XKR9: variants seen among roughly 807,000 people sequenced by gnomAD.
The protein encoded by XKR9 is XK related 9, also known as XK-related protein 9.
In XKR9, 32 loss-of-function variants were observed where a neutral mutation model predicts 32.0. The ratio of observed to expected loss-of-function variants is 1.00; its 90% CI spans 0.76 to 1.34. The LOEUF is 1.34. Among genes scored for constraint, XKR9 ranks in the 40% most tolerant of loss-of-function variants. The probability of loss-of-function intolerance (pLI) is 0.00; values close to 1 mark genes in which losing one functional copy is unlikely to be tolerated. For synonymous variants in XKR9, 168 were observed against 143.4 expected, an observed-to-expected ratio of 1.17 and a Z score of -1.22; for missense variants, 546 against 429.7, an observed-to-expected ratio of 1.27 and a Z score of -2.39.
chr8:71,035,137 A>G, the XKR9 span, among the ~76,000 whole-genome samples: 1 of 152,218 alleles, frequency 6.6e-6, no homozygotes, highest in Admixed American at 6.5e-5. Context: ...GAATATATTG[A>G]AACATTTTAT....
At chr8:70,976,048 G>A in the XKR9 span, among the ~76,000 whole-genome samples, 1 of 152,146 alleles carries the variant, frequency 6.6e-6, no homozygotes, top group Non-Finnish European at 1.5e-5. Context: ...CTGTTTGTCT[G>A]TTATTTGTGT....
At chr8:70,891,849 G>C in the XKR9 span, among the ~76,000 whole-genome samples, 1 of 151,968 alleles carries the variant, frequency 6.6e-6, no homozygotes, top group Non-Finnish European at 1.5e-5. Context: ...TGCTGACAGG[G>C]GGATGTTGAA....
At chr8:70,746,040 A>C (rs970091478) in intron 2 of XKR9, among the ~76,000 whole-genome samples, 3 of 152,288 alleles carry the variant, frequency 2.0e-5, no homozygotes, top group Admixed American at 1.3e-4. Context: ...TATTAGATCT[A>C]GTTTGTTACA....
At chr8:70,911,339 A>G in the XKR9 span, among the ~76,000 whole-genome samples, 1 of 152,238 alleles carries the variant, frequency 6.6e-6, no homozygotes, top group East Asian at 1.9e-4. Flanking sequence ...AAACTTACTT[A>G]CAAATATACC....
chr8:71,027,788 G>C, the XKR9 span, among the ~76,000 whole-genome samples: 5 of 134,964 alleles, frequency 3.7e-5, no homozygotes, highest in Admixed American at 3.0e-4. Context: ...GCGGGGGGGG[G>C]GGGTCTCACT....
the XKR9 span, among the ~76,000 whole-genome samples, chr8:70,875,850 A>G: frequency 6.6e-6 from 1 of 152,194 alleles, no homozygotes; most frequent in African/African-American, 2.4e-5. Context: ...AGAAAACCAA[A>G]CCATAATTGA....
the XKR9 span, among the ~76,000 whole-genome samples, chr8:70,796,880 A>G: frequency 6.6e-6 from 1 of 152,210 alleles, no homozygotes; most frequent in East Asian, 1.9e-4. Flanking sequence ...CCTTTAGGTT[A>G]CAGGCTTAAG....
the XKR9 span, among the ~76,000 whole-genome samples, chr8:70,876,224 T>A: frequency 6.8e-6 from 1 of 147,662 alleles, no homozygotes. Context: ...CGTTCTTTTT[T>A]TTTTTTTTTT....
chr8:70,916,536 T>C, the XKR9 span, among the ~76,000 whole-genome samples: 1,927 of 152,352 alleles, frequency 0.013, 21 homozygotes, highest in Non-Finnish European at 0.02. Context: ...AACTACCCTA[T>C]TTTAATTACT....
chr8:70,740,555 T>G (rs1264450641), downstream of XKR9, among the ~76,000 whole-genome samples: 1 of 143,770 alleles, frequency 7.0e-6, no homozygotes, highest in East Asian at 1.9e-4. Context: ...TTTTTAGAGT[T>G]TCCAGTTTTT....
the XKR9 span, among the ~76,000 whole-genome samples, chr8:70,892,897 G>T: frequency 6.6e-6 from 1 of 152,028 alleles, no homozygotes; most frequent in African/African-American, 2.4e-5. Flanking sequence ...GACTTGGGAA[G>T]TTTTAAAATA....
At chr8:70,873,659 C>T in the XKR9 span, among the ~76,000 whole-genome samples, 179 of 151,172 alleles carry the variant, frequency 1.2e-3, 1 homozygote, top group Middle Eastern at 6.8e-3. Flanking sequence ...TTGCTTCTTA[C>T]GGATGAGAAG....
At chr8:71,027,665 G>A in the XKR9 span, among the ~76,000 whole-genome samples, 6 of 151,826 alleles carry the variant, frequency 4.0e-5, no homozygotes, top group East Asian at 1.9e-4. Context: ...GAATGTGTGC[G>A]CCTTCAGCTT....
chr8:71,012,627 A>G, the XKR9 span, among the ~76,000 whole-genome samples: 65,408 of 151,778 alleles, frequency 0.43, 15,190 homozygotes, highest in Non-Finnish European at 0.53. Flanking sequence ...CTTTCATTGC[A>G]CTCCTACCAT....
At chr8:70,786,169 G>T (rs1244623159) in intron 2 of XKR9, among the ~76,000 whole-genome samples, 1 of 152,088 alleles carries the variant, frequency 6.6e-6, no homozygotes, top group Non-Finnish European at 1.5e-5. Context: ...TCTTAAATAT[G>T]CTGAGGCTTG....
chr8:71,024,465 G>T, the XKR9 span, among the ~76,000 whole-genome samples: 10 of 152,088 alleles, frequency 6.6e-5, no homozygotes, highest in Non-Finnish European at 1.3e-4. Flanking sequence ...GGAGATGCAG[G>T]GGCTACTGGG....
chr8:70,764,698 C>T (rs551229955), intron 2 of XKR9, among the ~76,000 whole-genome samples: 75 of 152,044 alleles, frequency 4.9e-4, no homozygotes, highest in Admixed American at 9.2e-4. Flanking sequence ...CCCATCAAGC[C>T]GTCATCTACA....
At chr8:70,862,033 A>G in the XKR9 span, among the ~76,000 whole-genome samples, 1 of 152,126 alleles carries the variant, frequency 6.6e-6, no homozygotes, top group Non-Finnish European at 1.5e-5. Flanking sequence ...GCCTTTGTCC[A>G]TATGAACAAG....
intron 4 of XKR9, among the ~76,000 whole-genome samples, chr8:70,710,490 C>G (rs749263242): frequency 2.0e-5 from 3 of 152,066 alleles, no homozygotes; most frequent in African/African-American, 7.2e-5. Flanking sequence ...CACTTGAGGT[C>G]AGGAGTTCGA....
Sources: gnomAD v4.1 joint callset for allele counts (sites outside exome capture counted in the v4.1 genomes callset) on GRCh38, gnomAD v4.1.1 for gene constraint, MANE v1.5 for transcripts, NCBI Gene and HGNC (gene_info 2026-07-23, HGNC 2026-07-21) for gene names.